Variants in MEI4 observed in about 807,000 individuals in gnomAD.
MEI4 encodes the protein meiotic double-stranded break formation protein 4, also known as meiosis-specific protein MEI4.
A neutral mutation model predicts 31.4 loss-of-function variants in MEI4; 27 were observed. The observed-to-expected ratio is 0.86, with a 90% CI of 0.63 to 1.19. The LOEUF (loss-of-function observed/expected upper bound fraction) is 1.19, where lower values mean the gene tolerates loss of function less well. MEI4 is among the 50% of genes most tolerant of loss of function. The pLI is 0.00. For missense variants in MEI4, 329 were observed against 398.9 expected (o/e 0.82, Z 1.49); for synonymous variants, 122 against 145.4 (o/e 0.84, Z 1.16).
rs147708407 is a variant in MEI4, at chr6:77,870,224, C to A, written c.900+41162C>A. ...CTAGTGCTGTTTTAGAATACTCTCT[C>A]ACCATGATGCTGAGCATGGACAGTG... On this transcript the variant is annotated intron_variant, in intron 4 of 4. Transcript: ENST00000684080. Among the ~76,000 whole-genome samples the A allele has an allele frequency of 4.6e-3, 700 of 152,298 alleles. 7 individuals are homozygous for A. Among genetic ancestry groups the A allele is most frequent in the South Asian group, 0.022 (104 of 4,828 alleles).
intron 4 of MEI4, among the ~76,000 whole-genome samples, chr6:77,841,333 A>ATATATATATATATATATATATATATT: frequency 3.6e-5 from 1 of 27,736 alleles, no homozygotes; most frequent in African/African-American, 3.3e-4. Context: ...ATATATATAT[A>ATATATATATATATATATATATATATT]TTTTTTTTTT....
At chr6:77,866,258 G>T (rs1385645820) in intron 4 of MEI4, among the ~76,000 whole-genome samples, 1 of 151,864 alleles carries the variant, frequency 6.6e-6, no homozygotes, top group Non-Finnish European at 1.5e-5. Context: ...GGAAATAAAG[G>T]GTATTCAATT....
At chr6:77,889,593 T>G (rs1771708584) in intron 4 of MEI4, among the ~76,000 whole-genome samples, 1 of 152,144 alleles carries the variant, frequency 6.6e-6, no homozygotes, top group South Asian at 2.1e-4. Context: ...AAACACTTTC[T>G]AGGGAGAAAT....
intron 4 of MEI4, among the ~76,000 whole-genome samples, chr6:77,922,408 C>G (rs9448257): frequency 0.079 from 12,027 of 151,684 alleles, 1,477 homozygotes; most frequent in African/African-American, 0.26. Flanking sequence ...GCTTCTGACA[C>G]ATTTCTTAAT....
At chr6:77,868,502 CATATATATATAT>C (rs58946198) in intron 4 of MEI4, among the ~76,000 whole-genome samples, 11 of 90,068 alleles carry the variant, frequency 1.2e-4, no homozygotes, top group Non-Finnish European at 1.6e-4. Context: ...AAAAATACTA[CATATATATATAT>C]ATATATATAT....
chr6:77,833,717 C>T (rs1184760510), intron 4 of MEI4, among the ~76,000 whole-genome samples: 1 of 152,060 alleles, frequency 6.6e-6, no homozygotes, highest in Non-Finnish European at 1.5e-5. Flanking sequence ...TTGCTGCACC[C>T]ATCAACCCGT....
chr6:77,729,291 C>G (rs1363853241), intron 2 of MEI4, among the ~76,000 whole-genome samples: 3 of 152,156 alleles, frequency 2.0e-5, no homozygotes, highest in Non-Finnish European at 4.4e-5. Context: ...TAATTATATC[C>G]TACTGCTCAA....
intron 3 of MEI4, among the ~76,000 whole-genome samples, chr6:77,827,142 C>G (rs952907882): frequency 6.6e-6 from 1 of 151,784 alleles, no homozygotes; most frequent in African/African-American, 2.4e-5. Flanking sequence ...GGGCAGATCA[C>G]GAGGTTAGGA....
chr6:77,726,764 T>C (rs977339045), intron 2 of MEI4, among the ~76,000 whole-genome samples: 1 of 151,976 alleles, frequency 6.6e-6, no homozygotes, highest in African/African-American at 2.4e-5. Context: ...GAGAAGAGAA[T>C]GGACTAGGAT....
At chr6:77,787,793 A>C (rs1768784492) in intron 3 of MEI4, among the ~76,000 whole-genome samples, 3 of 152,212 alleles carry the variant, frequency 2.0e-5, no homozygotes, top group Admixed American at 2.0e-4. Context: ...GACAGCACAG[A>C]TATATAACCA....
chr6:77,656,029 C>G (rs1325385571), intron 1 of MEI4, among the ~76,000 whole-genome samples: 1 of 152,082 alleles, frequency 6.6e-6, no homozygotes, highest in Non-Finnish European at 1.5e-5. Flanking sequence ...AAATATCTGT[C>G]AGCTCTTTAA....
At chr6:77,654,565 TAA>T (rs151216809) in intron 1 of MEI4, among the ~76,000 whole-genome samples, 2 of 79,266 alleles carry the variant, frequency 2.5e-5, no homozygotes, top group African/African-American at 1.2e-4. Context: ...AATACAACAC[TAA>T]AAAAAAAATG....
At chr6:77,713,422 TTA>T (rs80236406) in intron 2 of MEI4, among the ~76,000 whole-genome samples, 79,564 of 151,894 alleles carry the variant, frequency 0.52, 22,261 homozygotes, top group Non-Finnish European at 0.62. Flanking sequence ...TAATTCTGTC[TTA>T]TATAAACAAC....
At chr6:77,727,557 T>C (rs1391228059) in intron 2 of MEI4, among the ~76,000 whole-genome samples, 1 of 152,186 alleles carries the variant, frequency 6.6e-6, no homozygotes, top group African/African-American at 2.4e-5. Flanking sequence ...TAGTAATCAC[T>C]GTGATTTTCT....
chr6:77,789,248 A>ATCAAT (rs1321725215), intron 3 of MEI4, among the ~76,000 whole-genome samples: 2 of 152,302 alleles, frequency 1.3e-5, no homozygotes, highest in East Asian at 3.9e-4. Context: ...TTATACAAAA[A>ATCAAT]TCAATTCAAG....
intron 4 of MEI4, among the ~76,000 whole-genome samples, chr6:77,856,945 C>A (rs1562014031): frequency 6.6e-6 from 1 of 152,178 alleles, no homozygotes; most frequent in Non-Finnish European, 1.5e-5. Flanking sequence ...CTAAACTCTG[C>A]ATTATGCTAA....
chr6:77,798,265 A>G (rs1769137501), intron 3 of MEI4, among the ~76,000 whole-genome samples: 1 of 151,728 alleles, frequency 6.6e-6, no homozygotes, highest in African/African-American at 2.4e-5. Context: ...ATGAGAAAAA[A>G]TGAAAAAGCA....
At chr6:77,836,515 TGTAAA>T (rs1770221699) in intron 4 of MEI4, among the ~76,000 whole-genome samples, 1 of 152,110 alleles carries the variant, frequency 6.6e-6, no homozygotes, top group Non-Finnish European at 1.5e-5. Flanking sequence ...CTGTTTTCCT[TGTAAA>T]GTAAAATAAA....
At chr6:77,898,782 A>G (rs775880071) in intron 4 of MEI4, among the ~76,000 whole-genome samples, 3 of 151,856 alleles carry the variant, frequency 2.0e-5, no homozygotes, top group Non-Finnish European at 4.4e-5. Flanking sequence ...ATTTTTTTTT[A>G]TCCAAGGAAT....
Sources: allele counts gnomAD v4.1 joint callset (sites outside exome capture counted in the v4.1 genomes callset), GRCh38; gene constraint gnomAD v4.1.1; transcripts MANE v1.5; gene names NCBI Gene and HGNC (gene_info 2026-07-23, HGNC 2026-07-21).